The following TEX264 variants were observed in gnomAD, a reference collection of about 807,000 sequenced individuals.
TEX264 encodes the protein testis expressed 264, ER-phagy receptor, also known as testis-expressed protein 264.
A neutral mutation model predicts 23.4 loss-of-function variants in TEX264; 13 were observed. The observed-to-expected ratio is 0.56, with a 90% confidence interval of 0.36 to 0.88. TEX264 has a LOEUF of 0.88. Ranked by LOEUF, TEX264 falls within the 40% of genes least tolerant of loss-of-function variation. The probability of loss-of-function intolerance (pLI) is 0.01; values close to 1 mark genes in which losing one functional copy is unlikely to be tolerated. For missense variants in TEX264, 340 were observed against 406.8 expected (o/e 0.84, Z 1.41); for synonymous variants, 159 against 170.0 (o/e 0.94, Z 0.50).
In TEX264 at chr3:51,684,108, T is replaced by C. The variant is rs576183643; in HGVS notation, c.259-305T>C. On this transcript the variant is annotated intron_variant, in intron 2 of 4. Transcript: ENST00000341333. ...ATGGTTCAGAGGTCCTCTCCGCCCT[T>C]CCCTCTCCTGGCCTCCAGAAGGGCA... 1.5e-5 allele frequency: 6 copies of C among 403,506 alleles called. No individual in the cohort carries two copies. The East Asian group carries it at 3.1e-4, about 21-fold the overall frequency. 25.0% of individuals were successfully genotyped at this position (403,506 alleles called of 1,614,324 possible).
At chr3:51,700,682 C>T (rs1484968722) in intron 4 of TEX264, among the ~76,000 whole-genome samples, 1 of 152,040 alleles carries the variant, frequency 6.6e-6, no homozygotes, top group East Asian at 1.9e-4. Context: ...CCTCCTTGAC[C>T]CACCCACCCA....
intron 2 of TEX264, among the ~76,000 whole-genome samples, chr3:51,679,478 A>G (rs530876264): frequency 1.4e-4 from 22 of 152,248 alleles, no homozygotes; most frequent in Admixed American, 2.6e-4. Context: ...ACTAGGGCCA[A>G]TTTCCGGGAC....
intron 4 of TEX264, among the ~76,000 whole-genome samples, chr3:51,701,604 G>A (rs899674436): frequency 1.3e-5 from 2 of 152,106 alleles, no homozygotes; most frequent in Middle Eastern, 3.4e-3. Flanking sequence ...TTCTAGGGAT[G>A]AGCCACCATG....
rs142825575 is a variant in TEX264, at chr3:51,701,909, G to A, written c.650-1815G>A. 1.5e-3 allele frequency among the ~76,000 whole-genome samples: 227 copies of A among 152,370 alleles called. 1 individual carries two copies. Among genetic ancestry groups the A allele is most frequent in the Middle Eastern group, 6.8e-3 (2 of 294 alleles). ...AGCTTCCCAAAGTGCTGGGATTACA[G>A]GCGTGAGCCACCGTGCCTGGCCTCC... On this transcript the variant is annotated intron_variant, in intron 4 of 4. Coordinates refer to ENST00000341333, the MANE Select transcript of TEX264 (RefSeq NM_015926.6).
chr3:51,683,572 C>T (rs1702506197), intron 2 of TEX264: 1 of 152,168 alleles, frequency 6.6e-6, no homozygotes, highest in East Asian at 1.9e-4. Flanking sequence ...CAGGAAGGGA[C>T]TTAGGAAGTG....
chr3:51,698,590 G>A (rs1250301236), intron 3 of TEX264, among the ~76,000 whole-genome samples: 1 of 152,202 alleles, frequency 6.6e-6, no homozygotes, highest in Non-Finnish European at 1.5e-5. Flanking sequence ...ACTGGATTCT[G>A]TGTCTAGGCA....
intron 3 of TEX264, 119 bp downstream of exon 3, chr3:51,684,753 C>G: frequency 1.1e-6 from 1 of 922,246 alleles, no homozygotes; most frequent in Non-Finnish European, 1.7e-6. Context: ...CCCTGGGGCC[C>G]TCATGGAACA....
rs1021333111 is a variant in TEX264 at position 51,703,410 on chromosome 3, G to T, written c.650-314G>T. Among the ~76,000 whole-genome samples the T allele has an allele frequency of 1.3e-5, 2 of 152,106 alleles. No homozygotes were observed. Among genetic ancestry groups the T allele is most frequent in the Non-Finnish European group, 2.9e-5 (2 of 68,014 alleles). Reference sequence around the variant, plus strand: ...GGGCTGAGTGGCCCTTAATAAATGTGGGGGGAGGGCAGCAGGCTTTGTGGA... The same window carrying T: ...GGGCTGAGTGGCCCTTAATAAATGTTGGGGGAGGGCAGCAGGCTTTGTGGA... On this transcript the variant is annotated intron_variant, in intron 4 of 4. Transcript: ENST00000341333. The surrounding 1 kb of genome is among the most constrained non-coding windows in gnomAD (Gnocchi z 4.8).
At chr3:51,699,259 A>T (rs1703190468) in intron 3 of TEX264, 147 bp from the exon 4 acceptor site, 1 of 756,310 alleles carries the variant, frequency 1.3e-6, no homozygotes, top group Non-Finnish European at 2.2e-6. Flanking sequence ...TGCCTCCCTC[A>T]GCAGGGCTTT....
At chr3:51,678,003 C>A (rs1398348446) in intron 2 of TEX264, among the ~76,000 whole-genome samples, 5 of 152,132 alleles carry the variant, frequency 3.3e-5, no homozygotes, top group Non-Finnish European at 7.4e-5. Context: ...GGAGTGTGGG[C>A]CATTCCTCTT....
chr3:51,678,446 C>A (rs1330891039), intron 2 of TEX264, among the ~76,000 whole-genome samples: 1 of 152,236 alleles, frequency 6.6e-6, no homozygotes, highest in Non-Finnish European at 1.5e-5. Context: ...GCTTAAGCAA[C>A]CTGCCTGCTT....
At chr3:51,682,551 C>G (rs1415491381) in intron 2 of TEX264, 1 of 152,176 alleles carries the variant, frequency 6.6e-6, no homozygotes, top group East Asian at 1.9e-4. Flanking sequence ...TGGACTGTGT[C>G]ATAGCTACTA....
At chr3:51,694,669 G>T (rs1702988369) in intron 3 of TEX264, 1 of 152,340 alleles carries the variant, frequency 6.6e-6, no homozygotes, top group African/African-American at 2.4e-5. Context: ...TCCTGCCTGG[G>T]GTGCTCTCTG....
intron 3 of TEX264, among the ~76,000 whole-genome samples, chr3:51,687,863 C>T (rs1702683019): frequency 6.6e-6 from 1 of 152,162 alleles, no homozygotes. Context: ...CGGCGAGAGG[C>T]CCAAGGAGAA....
chr3:51,689,904 G>T (rs1702767547), intron 3 of TEX264, among the ~76,000 whole-genome samples: 1 of 152,192 alleles, frequency 6.6e-6, no homozygotes, highest in African/African-American at 2.4e-5. Flanking sequence ...GACCTGGAGG[G>T]ACCCTGGGGA....
Position 51,685,851 on chromosome 3 carries a change from A to G in TEX264, c.480+1217A>G, listed in dbSNP as rs182850098. On this transcript the variant is annotated intron_variant, in intron 3 of 4. Transcript: ENST00000341333. ...AGGCCCAGCGGCTATAGAGCTGTGG[A>G]CAAGGATGGAGATTTACAATCACTT... is the stretch of plus-strand genomic sequence containing the variant. Among the ~76,000 whole-genome samples, 305 of 152,352 alleles carry G rather than the reference A, an allele frequency of 2.0e-3. 3 individuals carry two copies. The highest frequency in any genetic ancestry group is 0.017 in the Admixed American group (254 of 15,304).
Position 51,686,549 on chromosome 3 carries a change from G to A in TEX264, c.480+1915G>A, listed in dbSNP as rs1028280389. Among the ~76,000 whole-genome samples the A allele has an allele frequency of 1.3e-5, 2 of 152,114 alleles. No homozygotes were observed. The highest frequency in any genetic ancestry group is 2.9e-5 in the Non-Finnish European group (2 of 68,026). ...AGTGAGAAGACCTGGAAAGGGGAGG[G>A]CTGTCACGGTGATAAGGCAAGGGCA... On this transcript the variant is annotated intron_variant, in intron 3 of 4. Coordinates refer to ENST00000341333, the MANE Select transcript of TEX264 (RefSeq NM_015926.6). This position sits in a 1 kb window ranked among gnomAD's most constrained non-coding sequence, Gnocchi z 4.1.
At position 51,674,379 on chromosome 3, in the gene TEX264, CG is replaced by C. The variant is rs1702158886; in HGVS notation, c.78del (p.Tyr27ThrfsTer10). ...TGCTGCTGACGCTGCTGGCCTTTGC[CG>C]GGTACTCAGGGCTACTGGCTGGGGT... is the stretch of plus-strand genomic sequence containing the variant. ...LLLLTLLAFA[G>X]YSGLLAGVEV... On this transcript the variant is annotated frameshift_variant, in exon 2 of 5. Transcript: ENST00000341333. LOFTEE classifies it high-confidence loss of function. 1 of 1,614,108 alleles carries C rather than the reference CG, an allele frequency of 6.2e-7. No homozygotes were observed. The highest frequency in any genetic ancestry group is 8.5e-7 in the Non-Finnish European group (1 of 1,180,056).
chr3:51,676,098 G>A (rs1702216670), intron 2 of TEX264, among the ~76,000 whole-genome samples: 3 of 152,206 alleles, frequency 2.0e-5, no homozygotes. Flanking sequence ...GAGCCTGAGT[G>A]GGATGGGACA....
Sources: gnomAD v4.1 joint callset for allele counts (sites outside exome capture counted in the v4.1 genomes callset) on GRCh38, gnomAD v4.1.1 for gene constraint, Gnocchi (gnomAD v3.1) non-coding constraint, MANE v1.5 for transcripts, NCBI Gene and HGNC (gene_info 2026-07-23, HGNC 2026-07-21) for gene names.